ZGPAT: variants seen among roughly 807,000 people sequenced by gnomAD.
ZGPAT encodes zinc finger CCCH-type with G patch domain-containing protein.
ZGPAT carries 39 observed loss-of-function variants against 47.9 expected under a neutral mutation model. The ratio of observed to expected loss-of-function variants is 0.81; its 90% confidence interval spans 0.63 to 1.06. ZGPAT has a LOEUF of 1.06. Ranked by LOEUF, ZGPAT falls within the 50% of genes least tolerant of loss-of-function variation. The pLI is 0.00. For synonymous variants in ZGPAT, 348 were observed against 292.9 expected, an observed-to-expected ratio of 1.19 and a Z score of -1.92; for missense variants, 717 against 681.4, an observed-to-expected ratio of 1.05 and a Z score of -0.58.
rs763290379 is a variant in ZGPAT at position 63,708,958 on chromosome 20, G to A, written c.378G>A (p.Glu126=). ...GGQEEEEGED[E]EELSGTKVSA... ...AGGAGGAGGAAGAGGGAGAGGACGA[G>A]GAAGAGCTGAGTGGGACAAAGGTGA... Residue 126 remains glutamate, a synonymous_variant, in exon 2 of 7, where the codon GAG becomes GAA. Transcript: ENST00000355969. 1.9e-6 allele frequency: 3 copies of A among 1,613,406 alleles called. No individual in the cohort carries two copies. Among genetic ancestry groups the A allele is most frequent in the Non-Finnish European group, 2.5e-6 (3 of 1,180,014 alleles).
intron 2 of ZGPAT, among the ~76,000 whole-genome samples, chr20:63,713,079 C>CT (rs35298110): frequency 0.2 from 29,700 of 147,616 alleles, 3,785 homozygotes; most frequent in East Asian, 0.61. Context: ...TTTTCTTTTC[C>CT]TTTTTTTTTT....
intron 2 of ZGPAT, among the ~76,000 whole-genome samples, chr20:63,731,267 G>A (rs1312560744): frequency 6.6e-6 from 1 of 150,644 alleles, no homozygotes. Context: ...GAGAGAATGC[G>A]GGTGTCTGTG....
chr20:63,712,911 CA>C (rs2091685051), intron 2 of ZGPAT, among the ~76,000 whole-genome samples: 1 of 151,704 alleles, frequency 6.6e-6, no homozygotes, highest in African/African-American at 2.4e-5. Flanking sequence ...ACAACAATAA[CA>C]GAAGAAAAAA....
intron 2 of ZGPAT, among the ~76,000 whole-genome samples, chr20:63,730,922 TTCTCTCTCTC>T (rs33915732): frequency 0.054 from 6,740 of 124,464 alleles, 266 homozygotes; most frequent in East Asian, 0.13. Flanking sequence ...TTCCTCTTCA[TTCTCTCTCTC>T]TCTCTCTCTC....
chr20:63,708,877 C>A lies in ZGPAT; in HGVS notation c.297C>A (p.Ser99=), dbSNP rs369138145. 1.9e-6 allele frequency: 3 copies of A among 1,610,794 alleles called. No individual in the cohort carries two copies. In the African/African-American group the frequency reaches 4.0e-5, roughly 21 times the overall value. ...AGGCACCAGCAGCGGCCCGTGGGTC[C>A]GGATCAGAGACCGTTCCTAAAGCAG... ...AVEAPAAARG[S]GSETVPKAEA... Residue 99 remains serine (S), a synonymous_variant, in exon 2 of 7, where the codon TCC becomes TCA. Transcript: ENST00000355969.
chr20:63,732,353 T>TGC (rs2091917181), intron 2 of ZGPAT, among the ~76,000 whole-genome samples: 1 of 141,166 alleles, frequency 7.1e-6, no homozygotes, highest in African/African-American at 2.7e-5. Context: ...GAGGTGTGTG[T>TGC]GTGCATGTGT....
chr20:63,731,351 T>TGA lies in ZGPAT; in HGVS notation c.585-1867_585-1866insAG, dbSNP rs1365996789. ...GTAAAGTGTACAGTTGGCCCTTGTG[T>TGA]GTGTGAGATTGTGTATGTGCATACG... On this transcript the variant is annotated intron_variant, in intron 2 of 6. Transcript: ENST00000355969. Among the ~76,000 whole-genome samples, 5 of 147,232 alleles carry TGA rather than the reference T, an allele frequency of 3.4e-5. No homozygotes were observed. The East Asian group carries it at 1.0e-3, about 29-fold the overall frequency.
At chr20:63,733,906 G>A (rs2145702649) in intron 4 of ZGPAT, 167 bp downstream of exon 4, 3 of 854,576 alleles carry the variant, frequency 3.5e-6, no homozygotes, top group East Asian at 2.7e-5. Flanking sequence ...GTAGATCCGT[G>A]GCGGCCTTTA....
rs143155137 is a variant in ZGPAT, at chr20:63,713,831, A to G, written c.584+4667A>G. On this transcript the variant is annotated intron_variant, in intron 2 of 6. Transcript: ENST00000355969. Reference sequence around the variant, plus strand: ...GGTTGCAGTGAGCTGAGATCGCGCCATTGCACTCCAGCTTGGGGAACAAGA... The same window carrying G: ...GGTTGCAGTGAGCTGAGATCGCGCCGTTGCACTCCAGCTTGGGGAACAAGA... 6.9e-3 allele frequency among the ~76,000 whole-genome samples: 1,042 copies of G among 150,874 alleles called. 11 individuals carry two copies. The highest frequency in any genetic ancestry group is 0.012 in the Admixed American group (184 of 15,120).
At chr20:63,735,592 A>G (rs1309747599) in intron 6 of ZGPAT, 28 bp downstream of exon 6, 3 of 1,508,296 alleles carry the variant, frequency 2.0e-6, no homozygotes, top group African/African-American at 2.8e-5. Context: ...CTCAGGGCAA[A>G]GGGCGACCCA....
intron 2 of ZGPAT, among the ~76,000 whole-genome samples, chr20:63,725,510 T>C (rs2091835918): frequency 6.6e-6 from 1 of 152,244 alleles, no homozygotes; most frequent in Non-Finnish European, 1.5e-5. Flanking sequence ...ATTATCTTTT[T>C]TTCTCTTGAT....
intron 2 of ZGPAT, among the ~76,000 whole-genome samples, chr20:63,724,363 T>TAAAAA (rs59890523): frequency 2.4e-5 from 3 of 124,644 alleles, no homozygotes; most frequent in Non-Finnish European, 4.9e-5. Context: ...AGACTCTGCC[T>TAAAAA]AAAAAAAAAA....
intron 2 of ZGPAT, among the ~76,000 whole-genome samples, chr20:63,709,441 C>T (rs994602232): frequency 1.3e-5 from 2 of 152,134 alleles, no homozygotes; most frequent in African/African-American, 4.8e-5. Flanking sequence ...AGTTCAAGAC[C>T]ACGCTGGTCA....
At chr20:63,731,296 C>CTG (rs34963409) in intron 2 of ZGPAT, among the ~76,000 whole-genome samples, 11 of 151,356 alleles carry the variant, frequency 7.3e-5, no homozygotes, top group Middle Eastern at 3.4e-3. Context: ...GTGTGTGAGA[C>CTG]TGTGTGTGTG....
intron 2 of ZGPAT, among the ~76,000 whole-genome samples, chr20:63,731,927 T>G (rs1218299794): frequency 6.6e-6 from 1 of 152,242 alleles, no homozygotes; most frequent in South Asian, 2.1e-4. Flanking sequence ...CGTGGGAAGA[T>G]GTGCGTAGGT....
chr20:63,717,485 GC>G (rs2091743143), intron 2 of ZGPAT, among the ~76,000 whole-genome samples: 1 of 151,634 alleles, frequency 6.6e-6, no homozygotes, highest in Admixed American at 6.6e-5. Context: ...ACGTTTCCCG[GC>G]CAAGGTGTTT....
chr20:63,716,333 A>C (rs1384047406), intron 2 of ZGPAT, among the ~76,000 whole-genome samples: 1 of 152,122 alleles, frequency 6.6e-6, no homozygotes, highest in East Asian at 1.9e-4. Flanking sequence ...TCCAGCCTTG[A>C]GTCAGTTTAG....
chr20:63,708,798 G>T lies in ZGPAT; in HGVS notation c.218G>T (p.Arg73Leu), dbSNP rs1345412182. Residue 73 changes from arginine to leucine, a missense_variant, in exon 2 of 7, where the codon CGC becomes CTC. Transcript: ENST00000355969. ...GCGCTGGACGAAGAGCGCCCGGGCC[G>T]CCAGGAAGATGCTGAGTACCAGGCT... ...LAALDEERPG[R>L]QEDAEYQAFR... The T allele has an allele frequency of 2.5e-6, 4 of 1,605,328 alleles. No homozygotes were observed. Among genetic ancestry groups the T allele is most frequent in the Non-Finnish European group, 3.4e-6 (4 of 1,174,160 alleles).
intron 2 of ZGPAT, among the ~76,000 whole-genome samples, chr20:63,731,617 G>T (rs1261595344): frequency 6.6e-6 from 1 of 151,550 alleles, no homozygotes. Context: ...CCCTTGGTGT[G>T]TGTGTGATTG....
Sources: gnomAD v4.1 joint callset for allele counts (sites outside exome capture counted in the v4.1 genomes callset) on GRCh38, gnomAD v4.1.1 for gene constraint, MANE v1.5 for transcripts, NCBI Gene and HGNC (gene_info 2026-07-23, HGNC 2026-07-21) for gene names.